The following SEC14L1 variants were observed in gnomAD, a reference collection of about 807,000 sequenced individuals.
The protein encoded by SEC14L1 is SEC14-like protein 1.
A neutral mutation model predicts 85.3 loss-of-function variants in SEC14L1; 48 were observed. The observed-to-expected ratio is 0.56, with a 90% CI of 0.45 to 0.72. The LOEUF is 0.72. Among genes scored for constraint, SEC14L1 ranks in the 30% least tolerant of loss-of-function variants. The pLI is 0.00. For missense variants in SEC14L1, 682 were observed against 921.4 expected (o/e 0.74, Z 3.36); for synonymous variants, 391 against 355.5 (o/e 1.10, Z -1.12).
At chr17:77,155,136 T>C (rs569506420) in intron 3 of SEC14L1, among the ~76,000 whole-genome samples, 2 of 152,318 alleles carry the variant, frequency 1.3e-5, no homozygotes, top group South Asian at 4.1e-4. Flanking sequence ...ACCTGTCACT[T>C]TATAAACTAA....
intron 3 of SEC14L1, among the ~76,000 whole-genome samples, chr17:77,116,413 C>A (rs1972173065): frequency 6.6e-6 from 1 of 152,026 alleles, no homozygotes; most frequent in South Asian, 2.1e-4. Flanking sequence ...ACCCTTAAAT[C>A]TCGGTGTCAC....
intron 3 of SEC14L1, among the ~76,000 whole-genome samples, chr17:77,170,389 A>G (rs987404723): frequency 6.6e-6 from 1 of 152,048 alleles, no homozygotes. Flanking sequence ...GTTCTTCCCA[A>G]GTAGGTTTGA....
chr17:77,099,140 C>T (rs566418936), intron 3 of SEC14L1: 24 of 152,194 alleles, frequency 1.6e-4, no homozygotes, highest in Admixed American at 1.4e-3. Context: ...GGTTATGTAA[C>T]AGTGGTTATG....
chr17:77,167,932 G>A (rs7224114), intron 3 of SEC14L1, among the ~76,000 whole-genome samples: 1 of 152,126 alleles, frequency 6.6e-6, no homozygotes, highest in African/African-American at 2.4e-5. Flanking sequence ...TGTTACAACC[G>A]CAAGAGTACA....
At chr17:77,170,841 G>C (rs1974495571) in intron 3 of SEC14L1, among the ~76,000 whole-genome samples, 1 of 152,268 alleles carries the variant, frequency 6.6e-6, no homozygotes, top group African/African-American at 2.4e-5. Context: ...TTAATAACGA[G>C]GGCAGTGAAT....
intron 3 of SEC14L1, among the ~76,000 whole-genome samples, chr17:77,148,622 C>T (rs1404578903): frequency 2.0e-5 from 3 of 152,206 alleles, no homozygotes; most frequent in Non-Finnish European, 2.9e-5. Context: ...TTAGACTGTG[C>T]CTTCAGGAAC....
At chr17:77,190,378 A>T (rs1975468045) in intron 3 of SEC14L1, among the ~76,000 whole-genome samples, 1 of 152,126 alleles carries the variant, frequency 6.6e-6, no homozygotes, top group Admixed American at 6.5e-5. Flanking sequence ...TATGTCAGTT[A>T]CCCCTCTCCT....
At chr17:77,173,839 G>C (rs1030336975) in intron 3 of SEC14L1, among the ~76,000 whole-genome samples, 1 of 152,204 alleles carries the variant, frequency 6.6e-6, no homozygotes, top group Non-Finnish European at 1.5e-5. Flanking sequence ...CCTGGAGAAG[G>C]TGTTTTTTTG....
chr17:77,158,331 C>T (rs1294700880), intron 3 of SEC14L1, among the ~76,000 whole-genome samples: 1 of 152,212 alleles, frequency 6.6e-6, no homozygotes, highest in African/African-American at 2.4e-5. Flanking sequence ...CCCATTCTTC[C>T]TTTCCCCAGC....
In SEC14L1 at chr17:77,200,637, G is replaced by A; in HGVS notation, c.973G>A (p.Asp325Asn). Residue 325 changes from aspartate to asparagine, a missense_variant, in exon 9 of 17, where the codon GAT (aspartate) becomes AAT (asparagine). By Grantham distance (23) the Asp-to-Asn change is conservative. Around this residue, in one of 3 missense-constraint regions of SEC14L1, gnomAD observed 420 missense variants for 619.5 expected, o/e 0.68. Coordinates refer to ENST00000436233, the MANE Select transcript of SEC14L1 (RefSeq NM_001143998.2). Reference sequence around the variant, plus strand: ...CTGGACCCCTCCTCAGGTCCTTCAGGATTACTACGCGGGAGGCTGGCATCA... The same window carrying A: ...CTGGACCCCTCCTCAGGTCCTTCAGAATTACTACGCGGGAGGCTGGCATCA... ...ETWTPPQVLQ[D>N]YYAGGWHHHD... The A allele has an allele frequency of 6.2e-7, 1 of 1,613,950 alleles. No individual in the cohort carries two copies. Among genetic ancestry groups the A allele is most frequent in the Non-Finnish European group, 8.5e-7 (1 of 1,179,956 alleles).
chr17:77,167,228 T>C (rs1974325773), intron 3 of SEC14L1, among the ~76,000 whole-genome samples: 1 of 151,156 alleles, frequency 6.6e-6, no homozygotes, highest in African/African-American at 2.4e-5. Context: ...TCCCAATTCA[T>C]TGTTGAAGCA....
In SEC14L1 at chr17:77,190,933, C is replaced by T; in HGVS notation, c.194C>T (p.Ala65Val). The stretch of plus-strand genomic sequence containing the variant: ...AGGCGCTGCAAGCTGGATGTAGATG[C>T]ACCCAGACTGCTGAAGAAGGTAAAG... ...IERRCKLDVDAPRLLKKIAGV... is the reference protein window; with the variant it reads ...IERRCKLDVDVPRLLKKIAGV... Residue 65 changes from alanine to valine, a missense_variant, in exon 4 of 17, where the codon GCA becomes GTA. Around this residue, in one of 3 missense-constraint regions of SEC14L1, gnomAD observed 139 missense variants for 201.3 expected, o/e 0.69. Transcript: ENST00000436233. 1 of 1,614,108 alleles carries T rather than the reference C, an allele frequency of 6.2e-7. No homozygotes were observed. The highest frequency in any genetic ancestry group is 8.5e-7 in the Non-Finnish European group (1 of 1,180,018).
chr17:77,147,201 A>G (rs1296995312), intron 3 of SEC14L1, among the ~76,000 whole-genome samples: 1 of 152,190 alleles, frequency 6.6e-6, no homozygotes, highest in East Asian at 1.9e-4. Flanking sequence ...ACTCAACTTA[A>G]TGCCTTTGTT....
chr17:77,138,813 G>A (rs559347498), upstream of SEC14L1, among the ~76,000 whole-genome samples: 61 of 152,136 alleles, frequency 4.0e-4, no homozygotes, highest in Non-Finnish European at 6.8e-4. Flanking sequence ...AACAGAGTGA[G>A]ACTGTTTCAA....
intron 3 of SEC14L1, among the ~76,000 whole-genome samples, chr17:77,170,872 A>G (rs1974496142): frequency 6.6e-6 from 1 of 152,178 alleles, no homozygotes. Flanking sequence ...TGTCTGAATC[A>G]GTGTTTTCTA....
At chr17:77,102,203 G>T (rs1003056026) in intron 3 of SEC14L1, among the ~76,000 whole-genome samples, 1 of 152,240 alleles carries the variant, frequency 6.6e-6, no homozygotes, top group Non-Finnish European at 1.5e-5. Flanking sequence ...CAAATCTCCC[G>T]CTTTGATACA....
In SEC14L1 at chr17:77,215,600, C is replaced by CT. The variant is rs1178439303; in HGVS notation, c.*1578dup. 1 of 988,416 alleles carries CT rather than the reference C, an allele frequency of 1.0e-6. No individual in the cohort carries two copies. Among genetic ancestry groups the CT allele is most frequent in the African/African-American group, 1.7e-5 (1 of 57,204 alleles). 61.2% of individuals were successfully genotyped at this position (988,416 alleles called of 1,614,324 possible). On this transcript the variant is annotated 3_prime_UTR_variant, in exon 17 of 17. Transcript: ENST00000436233. Reference sequence around the variant, plus strand: ...GTCAGCCCTAGTGGCTGCCTGCACACTGTAGACGTCCCAGGGCCTGTGCTG... The same window carrying CT: ...GTCAGCCCTAGTGGCTGCCTGCACACTTGTAGACGTCCCAGGGCCTGTGCTG...
Position 77,206,601 on chromosome 17 carries a change from A to T in SEC14L1, c.1342-127A>T. The T allele has an allele frequency of 7.9e-7, 1 of 1,270,762 alleles. No individual in the cohort carries two copies. The highest frequency in any genetic ancestry group is 1.5e-5 in the African/African-American group (1 of 66,950). The allele number at this position is 1,270,762 out of a possible 1,614,324, so 78.7% of individuals were successfully genotyped here. A position where few individuals can be genotyped will look rare whatever the true frequency, so the allele number is the denominator to read the frequency against. ...TCCTAATGCCATGCAAATAGACTTT[A>T]CAGAAGAAGTATATAAACTTGAATG... On this transcript the variant is annotated intron_variant, in intron 12 of 16. Coordinates refer to ENST00000436233, the MANE Select transcript of SEC14L1 (RefSeq NM_001143998.2). The surrounding 1 kb of genome is among the most constrained non-coding windows in gnomAD (Gnocchi z 4.3).
chr17:77,195,110 A>G (rs1180718130), intron 7 of SEC14L1, 199 bp downstream of exon 7: 1 of 575,500 alleles, frequency 1.7e-6, no homozygotes, highest in African/African-American at 1.9e-5. Flanking sequence ...TTTTTTGTTA[A>G]TAGGAAGGAT....
Sources: gnomAD v4.1 joint callset for allele counts (sites outside exome capture counted in the v4.1 genomes callset) on GRCh38, gnomAD v4.1.1 for gene constraint, gnomAD v4.1.1 regional missense constraint, Gnocchi (gnomAD v3.1) non-coding constraint, MANE v1.5 for transcripts, NCBI Gene and HGNC (gene_info 2026-07-23, HGNC 2026-07-21) for gene names.